TJP3: variants seen among roughly 807,000 people sequenced by gnomAD.
TJP3 encodes the protein tight junction protein 3.
In TJP3, 85 loss-of-function variants were observed where a neutral mutation model predicts 104.2. That is an observed-to-expected ratio of 0.82 (90% CI 0.68 to 0.98). The LOEUF is 0.98. Ranked by LOEUF, TJP3 falls within the 50% of genes least tolerant of loss-of-function variation. TJP3 has a pLI of 0.00. For synonymous variants in TJP3, 550 were observed against 550.6 expected, an observed-to-expected ratio of 1.00 and a Z score of 0.02; for missense variants, 1,367 against 1,322.8, an observed-to-expected ratio of 1.03 and a Z score of -0.52.
intron 1 of TJP3, among the ~76,000 whole-genome samples, chr19:3,722,580 G>T (rs970682050): frequency 6.6e-6 from 1 of 150,974 alleles, no homozygotes; most frequent in African/African-American, 2.4e-5. Flanking sequence ...CGTGGCGGGG[G>T]CGGGGCGGGG....
intron 1 of TJP3, among the ~76,000 whole-genome samples, chr19:3,724,226 C>T (rs2036573703): frequency 6.6e-6 from 1 of 151,484 alleles, no homozygotes; most frequent in African/African-American, 2.4e-5. Context: ...GACGGAGTTT[C>T]CCTCTGTCGC....
chr19:3,744,422 T>C (rs759501476), intron 15 of TJP3, among the ~76,000 whole-genome samples: 7 of 151,784 alleles, frequency 4.6e-5, no homozygotes, highest in South Asian at 2.1e-4. Context: ...TCCCAGCACT[T>C]TGGGAGTCCG....
At position 3,730,612 on chromosome 19, in the gene TJP3, G is replaced by T. The variant is rs749137734; in HGVS notation, c.519G>T (p.Gly173=). ...RSPGGGSEAN[G]LALVSGFKRL... is the part of the protein sequence containing the mutation. The stretch of plus-strand genomic sequence containing the variant: ...CAGGTGGTGGCTCTGAGGCCAACGG[G>T]CTGGCCCTGGTGTCCGGCTTTAAGC... Residue 173 remains glycine (G), a synonymous_variant, in exon 5 of 21, where the codon GGG becomes GGT. Transcript: ENST00000541714. This position sits in a 1 kb window ranked among gnomAD's most constrained non-coding sequence, Gnocchi z 7.3. The T allele has an allele frequency of 6.2e-7, 1 of 1,611,664 alleles. No individual in the cohort carries two copies. Among genetic ancestry groups the T allele is most frequent in the Admixed American group, 1.7e-5 (1 of 60,024 alleles).
intron 1 of TJP3, among the ~76,000 whole-genome samples, chr19:3,716,976 T>A (rs2036484392): frequency 7.1e-6 from 1 of 140,140 alleles, no homozygotes; most frequent in African/African-American, 2.5e-5. Flanking sequence ...CTTTTTTTTT[T>A]TTTTTTGAGA....
intron 1 of TJP3, among the ~76,000 whole-genome samples, chr19:3,708,870 C>T (rs1384412699): frequency 1.3e-5 from 2 of 152,136 alleles, no homozygotes; most frequent in African/African-American, 4.8e-5. Context: ...GGTCTCTGAT[C>T]CCCCTAACTG....
At chr19:3,722,039 C>G (rs1599145957) in intron 1 of TJP3, 1 of 479,378 alleles carries the variant, frequency 2.1e-6, no homozygotes, top group Non-Finnish European at 3.3e-6. Context: ...GAAACTGAGT[C>G]CCAGAGGGAT....
intron 6 of TJP3, among the ~76,000 whole-genome samples, chr19:3,732,750 C>T (rs1568383292): frequency 2.0e-5 from 3 of 152,002 alleles, no homozygotes; most frequent in Non-Finnish European, 2.9e-5. Context: ...CTCAGGTGAT[C>T]CCCCCCGCTC....
chr19:3,738,833 G>T, intron 12 of TJP3, 64 bp from the exon 13 acceptor site: 1 of 1,465,056 alleles, frequency 6.8e-7, no homozygotes, highest in South Asian at 1.3e-5. Flanking sequence ...GCCCACTCTC[G>T]GGTGGGGAGG....
In TJP3 at chr19:3,736,179, C is replaced by T. The variant is rs541582766; in HGVS notation, c.1142C>T (p.Thr381Met). The T allele has an allele frequency of 2.4e-5, 38 of 1,595,108 alleles. No individual in the cohort carries two copies. The highest frequency in any genetic ancestry group is 3.4e-5 in the Admixed American group (2 of 58,318). The change falls in exon 11 of 21, where the codon ACG (threonine) becomes ATG (methionine). Residue 381 changes from threonine to methionine, a missense_variant. Physicochemically the swap from Thr to Met is moderately conservative, Grantham distance 81 (BLOSUM62 -1). Coordinates refer to ENST00000541714, the MANE Select transcript of TJP3 (RefSeq NM_001267560.2). ...SMEDRGYSPD[T>M]RVVRFLKGKS... is the part of the protein sequence containing the mutation. ...TCCCCTTGCAGGTACAGCCCCGACA[C>T]GCGTGTGGTCCGCTTCCTCAAGGGC...
chr19:3,723,797 GAAAA>G (rs71339060), intron 1 of TJP3, among the ~76,000 whole-genome samples: 189 of 125,768 alleles, frequency 1.5e-3, no homozygotes, highest in East Asian at 0.014. Flanking sequence ...TGTCTCAAAA[GAAAA>G]AAAAAAAATA....
chr19:3,730,816 G>C lies in TJP3; in HGVS notation c.613+110G>C. ...CTGCCTCAGCCTCCCTGGTGGCTGG[G>C]ACTCCAGGCGCCCGCCACCATGCCT... On this transcript the variant is annotated intron_variant, in intron 5 of 20. Coordinates refer to ENST00000541714, the MANE Select transcript of TJP3 (RefSeq NM_001267560.2). This position sits in a 1 kb window ranked among gnomAD's most constrained non-coding sequence, Gnocchi z 7.3. The C allele has an allele frequency of 8.3e-7, 1 of 1,211,542 alleles. No homozygotes were observed. The highest frequency in any genetic ancestry group is 1.1e-6 in the Non-Finnish European group (1 of 889,392). The allele number at this position is 1,211,542 out of a possible 1,614,324, so 75.0% of individuals were successfully genotyped here.
chr19:3,730,408 C>T lies in TJP3; in HGVS notation c.315C>T (p.Ser105=). 1 of 1,579,858 alleles carries T rather than the reference C, an allele frequency of 6.3e-7. No homozygotes were observed. The highest frequency in any genetic ancestry group is 8.6e-7 in the Non-Finnish European group (1 of 1,164,514). Residue 105 remains serine, a synonymous_variant, in exon 5 of 21, where the codon TCC becomes TCT. Transcript: ENST00000541714. This position sits in a 1 kb window ranked among gnomAD's most constrained non-coding sequence, Gnocchi z 7.3. ...IHLPATKASP[S]SPGRQDSDED... is the part of the protein sequence containing the mutation. ...TGCCCGCCACCAAAGCCAGCCCCTC[C>T]AGCCCAGGGCGCCAGGACTCGGATG...
intron 6 of TJP3, among the ~76,000 whole-genome samples, chr19:3,732,945 G>A (rs529068971): frequency 2.0e-5 from 3 of 151,256 alleles, no homozygotes; most frequent in East Asian, 2.0e-4. Flanking sequence ...ACACCCGGCC[G>A]ACATTAAGTT....
At chr19:3,734,019 C>G in intron 7 of TJP3, 107 bp downstream of exon 7, 1 of 1,416,816 alleles carries the variant, frequency 7.1e-7, no homozygotes, top group South Asian at 1.3e-5. Flanking sequence ...CCTAGAGGCT[C>G]AGAGAGTGAC....
chr19:3,716,926 G>A (rs1432778137), intron 1 of TJP3, among the ~76,000 whole-genome samples: 1 of 141,040 alleles, frequency 7.1e-6, no homozygotes, highest in African/African-American at 2.5e-5. Context: ...AGCCTCCCGA[G>A]TACCTGGGAT....
chr19:3,726,409 C>T (rs1415471927), intron 1 of TJP3, among the ~76,000 whole-genome samples: 1 of 151,624 alleles, frequency 6.6e-6, no homozygotes, highest in East Asian at 2.0e-4. Flanking sequence ...ATCAGCCTGG[C>T]CAACATGGTG....
At position 3,739,008 on chromosome 19, in the gene TJP3, T is replaced by C. The variant is rs778078827; in HGVS notation, c.1505T>C (p.Phe502Ser). 6.2e-7 allele frequency: 1 copy of C among 1,613,080 alleles called. No homozygotes were observed. The highest frequency in any genetic ancestry group is 8.5e-7 in the Non-Finnish European group (1 of 1,179,836). Residue 502 changes from phenylalanine to serine, a missense_variant, in exon 13 of 21, where the codon TTC (phenylalanine) becomes TCC (serine). Coordinates refer to ENST00000541714, the MANE Select transcript of TJP3 (RefSeq NM_001267560.2). ...CTGGGCTTCACCCGTGGCGACGTCT[T>C]CCACGTGCTGGACACGCTGCACCCC... ...SGLGFTRGDVFHVLDTLHPGP... is the reference protein window; with the variant it reads ...SGLGFTRGDVSHVLDTLHPGP...
At chr19:3,722,866 G>GGGGCC (rs1458102298) in intron 1 of TJP3, among the ~76,000 whole-genome samples, 1 of 101,106 alleles carries the variant, frequency 9.9e-6, no homozygotes, top group Admixed American at 1.2e-4. Context: ...CGGGGGGGGG[G>GGGGCC]GGCACAGGGG....
intron 14 of TJP3, 129 bp downstream of exon 14, chr19:3,740,892 A>G (rs2036806985): frequency 3.5e-6 from 3 of 855,712 alleles, no homozygotes; most frequent in Middle Eastern, 4.0e-4. Flanking sequence ...TATAATCCCA[A>G]CACTTTGGGA....
Sources: gnomAD v4.1 joint callset for allele counts (sites outside exome capture counted in the v4.1 genomes callset) on GRCh38, gnomAD v4.1.1 for gene constraint, Gnocchi (gnomAD v3.1) non-coding constraint, MANE v1.5 for transcripts, NCBI Gene and HGNC (gene_info 2026-07-23, HGNC 2026-07-21) for gene names.